Variants in RBFOX1 observed in about 807,000 individuals in gnomAD.
RBFOX1 encodes the protein RNA binding fox-1 homolog 1, also known as RNA binding protein fox-1 homolog 1.
Under a neutral mutation model 57.7 loss-of-function variants are expected in RBFOX1, and 8 were observed. That is an observed-to-expected ratio of 0.14 (90% CI 0.08 to 0.25). RBFOX1 has a LOEUF of 0.25. Among genes scored for constraint, RBFOX1 ranks in the 10% least tolerant of loss-of-function variants. RBFOX1 has a pLI of 1.00. For synonymous variants in RBFOX1, 326 were observed against 222.4 expected, an observed-to-expected ratio of 1.47 and a Z score of -4.15; for missense variants, 611 against 548.5, an observed-to-expected ratio of 1.11 and a Z score of -1.14.
intron 1 of RBFOX1, among the ~76,000 whole-genome samples, chr16:6,048,875 T>C (rs1284599620): frequency 1.3e-5 from 2 of 152,138 alleles, no homozygotes; most frequent in South Asian, 2.1e-4. Flanking sequence ...GGAATATAAA[T>C]GGTTATCTTG....
intron 3 of RBFOX1, among the ~76,000 whole-genome samples, chr16:6,925,079 G>T (rs1444903772): frequency 8.7e-6 from 1 of 114,610 alleles, no homozygotes; most frequent in African/African-American, 3.3e-5. Flanking sequence ...TCTTAATCCA[G>T]TCTATCGTTG....
At chr16:6,394,481 C>A in intron 2 of RBFOX1, among the ~76,000 whole-genome samples, 1 of 148,900 alleles carries the variant, frequency 6.7e-6, no homozygotes, top group South Asian at 2.2e-4. Context: ...TTAAATTTAC[C>A]CCCCAGAATA....
At chr16:7,265,898 T>C (rs781708363) in intron 4 of RBFOX1, among the ~76,000 whole-genome samples, 1 of 150,592 alleles carries the variant, frequency 6.6e-6, no homozygotes, top group Non-Finnish European at 1.5e-5. Context: ...ATCATGGGAA[T>C]GGGTTCTTCC....
chr16:6,439,138 T>C (rs180793470), intron 2 of RBFOX1, among the ~76,000 whole-genome samples: 1 of 152,288 alleles, frequency 6.6e-6, no homozygotes, highest in African/African-American at 2.4e-5. Flanking sequence ...CACTTGAGCA[T>C]GCCGATGGCC....
At position 6,488,961 on chromosome 16, in the gene RBFOX1, C is replaced by T. The variant is rs143495128; in HGVS notation, c.-63-165642C>T. Among the ~76,000 whole-genome samples the T allele has an allele frequency of 2.8e-3, 427 of 152,222 alleles. 1 individual carries two copies. Among genetic ancestry groups the T allele is most frequent in the South Asian group, 0.018 (88 of 4,820 alleles). On this transcript the variant is annotated intron_variant, in intron 2 of 15. Transcript: ENST00000550418. ...ACTTCAATTATTAAACATTTAAAAT[C>T]TCTGGTTGGATACTGTGACTAGGAT...
At chr16:5,335,904 A>G (rs749034504) in intron 1 of RBFOX1, among the ~76,000 whole-genome samples, 1 of 152,162 alleles carries the variant, frequency 6.6e-6, no homozygotes, top group Non-Finnish European at 1.5e-5. Flanking sequence ...TACCTGCCAT[A>G]TATGGATTCT....
At chr16:7,415,927 G>A (rs2098473525) in intron 4 of RBFOX1, among the ~76,000 whole-genome samples, 1 of 151,930 alleles carries the variant, frequency 6.6e-6, no homozygotes, top group Non-Finnish European at 1.5e-5. Context: ...ACGAAGCTTG[G>A]GCTGGTAGTG....
chr16:7,308,072 G>A (rs1413925046), intron 4 of RBFOX1, among the ~76,000 whole-genome samples: 1 of 152,164 alleles, frequency 6.6e-6, no homozygotes, highest in Non-Finnish European at 1.5e-5. Context: ...GGTCAAAAGA[G>A]AACCTATTTT....
At chr16:7,593,080 G>A (rs989633023) in intron 7 of RBFOX1, among the ~76,000 whole-genome samples, 3 of 150,544 alleles carry the variant, frequency 2.0e-5, no homozygotes, top group South Asian at 2.1e-4. Flanking sequence ...CTCCCAAACT[G>A]CTTGCATTAC....
intron 4 of RBFOX1, among the ~76,000 whole-genome samples, chr16:7,097,387 C>G (rs1370844963): frequency 6.6e-6 from 1 of 152,068 alleles, no homozygotes; most frequent in Middle Eastern, 3.2e-3. Context: ...TTGCTTGCAT[C>G]AACCCCAGTA....
At chr16:6,993,835 C>G (rs184585683) in intron 3 of RBFOX1, among the ~76,000 whole-genome samples, 1 of 152,246 alleles carries the variant, frequency 6.6e-6, no homozygotes, top group East Asian at 1.9e-4. Context: ...CATGAACACT[C>G]CAAAATGCTT....
chr16:6,631,814 G>C lies in RBFOX1; in HGVS notation c.-63-22789G>C, dbSNP rs547427381. On this transcript the variant is annotated intron_variant, in intron 2 of 15. Transcript: ENST00000550418. ...AGAGCAGCAGCTCTGCAGGGGGCGG[G>C]GGTAGAGCGGGTGCATGCAAACACC... Among the ~76,000 whole-genome samples, 22 of 152,200 alleles carry C rather than the reference G, an allele frequency of 1.4e-4. No homozygotes were observed. In the East Asian group the frequency reaches 4.1e-3, roughly 28 times the overall value.
intron 4 of RBFOX1, among the ~76,000 whole-genome samples, chr16:7,086,070 T>C (rs1352951825): frequency 1.3e-5 from 2 of 152,218 alleles, no homozygotes; most frequent in Non-Finnish European, 2.9e-5. Context: ...CTGCTTGTTT[T>C]ATGGCATGGC....
chr16:7,222,596 T>A (rs1603348527), intron 4 of RBFOX1, among the ~76,000 whole-genome samples: 1 of 152,188 alleles, frequency 6.6e-6, no homozygotes, highest in Non-Finnish European at 1.5e-5. Context: ...CCTGCCTGGG[T>A]TCAAATCTCC....
chr16:7,515,861 T>A (rs2076239344), intron 4 of RBFOX1, among the ~76,000 whole-genome samples: 1 of 152,008 alleles, frequency 6.6e-6, no homozygotes, highest in Admixed American at 6.6e-5. Context: ...GTTGTTGTTG[T>A]TGAGACGGAA....
intron 3 of RBFOX1, among the ~76,000 whole-genome samples, chr16:6,852,148 G>C (rs1004122795): frequency 2.6e-5 from 4 of 152,052 alleles, no homozygotes; most frequent in Non-Finnish European, 5.9e-5. Context: ...TTGGTGATCT[G>C]ATGTCTGAAA....
rs1207892136 is a variant in RBFOX1, at chr16:6,925,116, T to G, written c.-15-126941T>G. Among the ~76,000 whole-genome samples, 8 of 26,844 alleles carry G rather than the reference T, an allele frequency of 3.0e-4. No individual in the cohort carries two copies. The East Asian group carries it at 3.4e-3, about 11-fold the overall frequency. 17.6% of individuals were successfully genotyped at this position (26,844 alleles called of 152,430 possible). A position where few individuals can be genotyped will look rare whatever the true frequency, so the allele number is the denominator to read the frequency against. On this transcript the variant is annotated intron_variant, in intron 3 of 15. Transcript: ENST00000550418. ...TGGACATCTAGGTTGTTGGTTTTTT[T>G]TTTTTTTTTTTTTTTTTTTTTTTTT...
At chr16:7,303,765 C>CTA (rs2096092427) in intron 4 of RBFOX1, among the ~76,000 whole-genome samples, 1 of 123,068 alleles carries the variant, frequency 8.1e-6, no homozygotes, top group Non-Finnish European at 1.8e-5. Context: ...CTCTCGCTCT[C>CTA]TCTCTCTCTC....
At position 6,657,297 on chromosome 16, in the gene RBFOX1, C is replaced by T. The variant is rs769659177; in HGVS notation, c.-16+2647C>T. 3.9e-5 allele frequency among the ~76,000 whole-genome samples: 6 copies of T among 152,124 alleles called. No individual in the cohort carries two copies. The South Asian group carries it at 1.2e-3, about 32-fold the overall frequency. On this transcript the variant is annotated intron_variant, in intron 3 of 15. Transcript: ENST00000550418. ...TACTCACGCTATAGTTTCTCTGTTT[C>T]TAACAATTGTTAAGAAGAGATTGGG...
Sources: gnomAD v4.1 joint callset for allele counts (sites outside exome capture counted in the v4.1 genomes callset) on GRCh38, gnomAD v4.1.1 for gene constraint, MANE v1.5 for transcripts, NCBI Gene and HGNC (gene_info 2026-07-23, HGNC 2026-07-21) for gene names.